PKHD1: variants seen among roughly 807,000 people sequenced by gnomAD.
PKHD1 encodes the protein PKHD1 ciliary IPT domain containing fibrocystin/polyductin, also known as fibrocystin.
PKHD1 carries 291 observed loss-of-function variants against 412.0 expected under a neutral mutation model. That is an observed-to-expected ratio of 0.71 (90% CI 0.64 to 0.78). PKHD1 has a LOEUF of 0.78. PKHD1 is among the 30% of genes least tolerant of loss of function. The pLI, the probability that PKHD1 is intolerant of heterozygous loss-of-function variation, is 0.00. For missense variants in PKHD1, 4,825 were observed against 4,950.7 expected (o/e 0.97, Z 0.76); for synonymous variants, 1,777 against 1,821.5 (o/e 0.98, Z 0.62).
chr6:52,045,904 T>A (rs1409683716), intron 24 of PKHD1, 100 bp downstream of exon 24: 1 of 835,648 alleles, frequency 1.2e-6, no homozygotes, highest in Non-Finnish European at 2.0e-6. Context: ...ACAAAATTAA[T>A]AATTCATGAC....
At position 51,990,031 on chromosome 6, in the gene PKHD1, C is replaced by T. The variant is rs570620316; in HGVS notation, c.5751+20278G>A. Among the ~76,000 whole-genome samples, 817 of 88,582 alleles carry T rather than the reference C, an allele frequency of 9.2e-3. 15 individuals are homozygous for T. Among genetic ancestry groups the T allele is most frequent in the African/African-American group, 0.026 (756 of 29,108 alleles). The allele number at this position is 88,582 out of a possible 152,430, so 58.1% of individuals were successfully genotyped here. ...ATTCCACCCATGCACCTAGCAGCTG[C>T]GTTTATTGTTATTTATTTATTTCCT... On this transcript the variant is annotated intron_variant, in intron 35 of 66. Coordinates refer to ENST00000371117, the MANE Select transcript of PKHD1 (RefSeq NM_138694.4).
chr6:51,619,541 G>T (rs940825072), intron 66 of PKHD1, 21 bp from the exon 67 acceptor site: 3 of 1,592,774 alleles, frequency 1.9e-6, no homozygotes, highest in Non-Finnish European at 8.6e-7. Flanking sequence ...AAGAAATAGG[G>T]GAAGAAATGG....
At chr6:52,048,047 G>C (rs978832515) in intron 23 of PKHD1, among the ~76,000 whole-genome samples, 10 of 152,232 alleles carry the variant, frequency 6.6e-5, no homozygotes, top group Admixed American at 5.9e-4. Context: ...CAGAGGCGGT[G>C]GTTGGAGTGA....
rs533417445 is a variant in PKHD1 at position 51,901,829 on chromosome 6, C to T, written c.6996+1768G>A. The stretch of plus-strand genomic sequence containing the variant: ...GTATTTTTTTTCTAATTTTGTAAAG[C>T]AGATACAAGAGTAAGAAAGTAAATG... On this transcript the variant is annotated intron_variant, in intron 43 of 66. Coordinates refer to ENST00000371117, the MANE Select transcript of PKHD1 (RefSeq NM_138694.4). Among the ~76,000 whole-genome samples the T allele has an allele frequency of 9.9e-5, 15 of 152,054 alleles. No homozygotes were observed. In the South Asian group the frequency reaches 3.1e-3, roughly 32 times the overall value.
intron 65 of PKHD1, among the ~76,000 whole-genome samples, chr6:51,632,324 T>C (rs780900466): frequency 1.8e-4 from 28 of 152,200 alleles, no homozygotes; most frequent in African/African-American, 3.4e-4. Flanking sequence ...GTGCTCAGAA[T>C]GTGTTCCATA....
intron 54 of PKHD1, 58 bp from the exon 55 acceptor site, chr6:51,772,847 GGTAA>G: frequency 1.0e-6 from 1 of 975,822 alleles, no homozygotes; most frequent in South Asian, 1.3e-5. Context: ...ATGAAAGCCA[GGTAA>G]GTAAAAGTCA....
intron 61 of PKHD1, among the ~76,000 whole-genome samples, chr6:51,657,123 A>C (rs867045776): frequency 6.8e-6 from 1 of 146,382 alleles, no homozygotes; most frequent in Admixed American, 6.9e-5. Context: ...ATAATAATAA[A>C]AAAAAAAAAA....
chr6:51,824,326 T>C (rs1562394525), intron 52 of PKHD1, among the ~76,000 whole-genome samples: 1 of 152,178 alleles, frequency 6.6e-6, no homozygotes, highest in Non-Finnish European at 1.5e-5. Flanking sequence ...TAAGTTTCTA[T>C]AGTATATTTT....
At chr6:51,925,172 A>T (rs1231942752) in intron 37 of PKHD1, among the ~76,000 whole-genome samples, 1 of 152,198 alleles carries the variant, frequency 6.6e-6, no homozygotes, top group East Asian at 1.9e-4. Context: ...TCTAGAGAAG[A>T]TGCAGAACGC....
At chr6:51,672,025 T>C (rs1037661570) in intron 60 of PKHD1, among the ~76,000 whole-genome samples, 1 of 152,242 alleles carries the variant, frequency 6.6e-6, no homozygotes, top group Non-Finnish European at 1.5e-5. Context: ...GGTTTTCTCA[T>C]GTATGAGCTG....
intron 52 of PKHD1, among the ~76,000 whole-genome samples, chr6:51,792,964 T>G (rs566433810): frequency 6.6e-6 from 1 of 152,354 alleles, no homozygotes; most frequent in Non-Finnish European, 1.5e-5. Context: ...CTCAGTGTGA[T>G]TATGACTTCC....
chr6:51,937,790 T>C (rs1022619169), intron 36 of PKHD1, among the ~76,000 whole-genome samples: 2 of 152,206 alleles, frequency 1.3e-5, no homozygotes, highest in Admixed American at 6.5e-5. Flanking sequence ...ATAGTTCTTA[T>C]AGATCCCTGG....
At position 51,934,337 on chromosome 6, in the gene PKHD1, G is replaced by A. The variant is rs1193668813; in HGVS notation, c.5909-15C>T. 2 of 1,572,954 alleles carry A rather than the reference G, an allele frequency of 1.3e-6. No homozygotes were observed. Among genetic ancestry groups the A allele is most frequent in the Admixed American group, 3.3e-5 (2 of 59,958 alleles). On this transcript the variant is annotated splice_polypyrimidine_tract_variant and intron_variant, in intron 36 of 66. Transcript: ENST00000371117. ...CAGCTTGCCCCCTAATGGACAAAGG[G>A]AAAATTGTCAGTCCCTGGGAGGATA... is the stretch of plus-strand genomic sequence containing the variant.
At chr6:51,790,969 G>A (rs2151258774) in intron 53 of PKHD1, among the ~76,000 whole-genome samples, 1 of 152,226 alleles carries the variant, frequency 6.6e-6, no homozygotes, top group Admixed American at 6.5e-5. Context: ...TAGCCTGGAG[G>A]AGGTAAAAAA....
chr6:51,870,448 T>C, intron 47 of PKHD1, 56 bp downstream of exon 47: 3 of 1,372,978 alleles, frequency 2.2e-6, no homozygotes, highest in Non-Finnish European at 3.1e-6. Flanking sequence ...CTATTTATAA[T>C]ACTGACTTGA....
At chr6:51,870,704 A>G (rs1261261865) in intron 46 of PKHD1, 65 bp from the exon 47 acceptor site, 2 of 1,237,250 alleles carry the variant, frequency 1.6e-6, no homozygotes, top group South Asian at 1.3e-5. Context: ...AATACAATTC[A>G]TAATGCATGA....
At chr6:51,706,532 G>A (rs567996) in intron 60 of PKHD1, among the ~76,000 whole-genome samples, 134,991 of 151,076 alleles carry the variant, frequency 0.89, 60,744 homozygotes, top group East Asian at 0.94. Context: ...GTGAAAGAGG[G>A]AAAGGAGGAG....
At chr6:52,072,275 A>G (rs1433206026) in intron 7 of PKHD1, 86 bp from the exon 8 acceptor site, 1 of 863,926 alleles carries the variant, frequency 1.2e-6, no homozygotes, top group Non-Finnish European at 1.9e-6. Flanking sequence ...CTCAGAGGAA[A>G]CATGGCTATG....
At chr6:51,809,809 G>A (rs1341787774) in intron 52 of PKHD1, among the ~76,000 whole-genome samples, 2 of 150,496 alleles carry the variant, frequency 1.3e-5, no homozygotes. Flanking sequence ...GAATGCTATT[G>A]TTCCTTGCAT....
Sources: allele counts gnomAD v4.1 joint callset (sites outside exome capture counted in the v4.1 genomes callset), GRCh38; gene constraint gnomAD v4.1.1; transcripts MANE v1.5; gene names NCBI Gene and HGNC (gene_info 2026-07-23, HGNC 2026-07-21).